ANK1: variants seen among roughly 807,000 people sequenced by gnomAD.
ANK1 encodes the protein ankyrin-1.
A neutral mutation model predicts 210.4 loss-of-function variants in ANK1; 51 were observed. The observed-to-expected ratio is 0.24, with a 90% confidence interval of 0.19 to 0.31. ANK1 has a LOEUF of 0.31. ANK1 is among the 10% of genes least tolerant of loss of function. The pLI is 1.00. For synonymous variants in ANK1, 967 were observed against 1,025.9 expected (o/e 0.94, Z 1.10); for missense variants, 2,051 against 2,504.4 (o/e 0.82, Z 3.86).
intron 1 of ANK1, chr8:41,829,006 C>T (rs995242785): frequency 6.6e-6 from 1 of 152,286 alleles, no homozygotes; most frequent in African/African-American, 2.4e-5. Flanking sequence ...ATTCCACCGC[C>T]GCAGTTGAAA....
At chr8:41,767,665 G>T (rs546679596) in intron 1 of ANK1, among the ~76,000 whole-genome samples, 1 of 152,140 alleles carries the variant, frequency 6.6e-6, no homozygotes, top group African/African-American at 2.4e-5. Context: ...GGGGGTGCGC[G>T]CGGGGGCGCG....
chr8:41,655,931 T>C (rs886175730), intron 42 of ANK1, among the ~76,000 whole-genome samples, 178 bp from the exon 43 acceptor site: 5 of 152,388 alleles, frequency 3.3e-5, no homozygotes, highest in African/African-American at 1.2e-4. Context: ...CTTCCTGAGA[T>C]GCCGCCCTCC....
chr8:41,794,143 G>A (rs1848284875), intron 1 of ANK1, among the ~76,000 whole-genome samples: 1 of 152,214 alleles, frequency 6.6e-6, no homozygotes, highest in Non-Finnish European at 1.5e-5. Flanking sequence ...GGTGCCATTT[G>A]CCTCATACAA....
intron 8 of ANK1, 96 bp downstream of exon 8, chr8:41,723,439 C>T (rs1829793597): frequency 7.0e-7 from 1 of 1,432,748 alleles, no homozygotes; most frequent in Non-Finnish European, 9.8e-7. Flanking sequence ...GGTGGTGCAT[C>T]CCTAACTAGG....
intron 7 of ANK1, 110 bp from the exon 8 acceptor site, chr8:41,723,743 G>C: frequency 1.2e-6 from 1 of 826,006 alleles, no homozygotes. Context: ...CTGCAACAGC[G>C]TTGTCAGGGC....
At chr8:41,722,016 G>GA (rs1829402930) in intron 9 of ANK1, among the ~76,000 whole-genome samples, 1 of 152,202 alleles carries the variant, frequency 6.6e-6, no homozygotes, top group Admixed American at 6.5e-5. Flanking sequence ...TAATTTAACT[G>GA]ATAGTAGCAA....
Position 41,717,642 on chromosome 8 carries a change from G to A in ANK1, c.1267C>T (p.Leu423Phe). Residue 423 changes from leucine (L) to phenylalanine (F), a missense_variant, in exon 12 of 43, where the codon CTC (leucine) becomes TTC (phenylalanine). Around this residue, in one of 6 missense-constraint regions of ANK1, gnomAD observed 1,413 missense variants for 1,707.4 expected, o/e 0.83. Transcript: ENST00000289734. ...TTGGGCGACGCCCCCCGCTGCAGGA[G>A]GTTCTTCACGATGGGAAGGTGCCCC... is the stretch of plus-strand genomic sequence containing the variant. ...FMGHLPIVKN[L>F]LQRGASPNVS... 6.4e-7 allele frequency: 1 copy of A among 1,551,700 alleles called. No homozygotes were observed. The highest frequency in any genetic ancestry group is 8.7e-7 in the Non-Finnish European group (1 of 1,147,006).
At chr8:41,763,873 CT>C (rs1427763122) in intron 1 of ANK1, among the ~76,000 whole-genome samples, 4 of 56,798 alleles carry the variant, frequency 7.0e-5, no homozygotes, top group Admixed American at 2.0e-4. Context: ...TTTCTTCTTT[CT>C]TTTTTTCTTT....
intron 32 of ANK1, 30 bp downstream of exon 32, chr8:41,690,444 G>A (rs1449316041): frequency 6.2e-7 from 1 of 1,614,220 alleles, no homozygotes; most frequent in East Asian, 2.2e-5. Flanking sequence ...TCTAGACCCA[G>A]AGGAGAACTC....
At chr8:41,835,830 A>G (rs775940190) in intron 1 of ANK1, among the ~76,000 whole-genome samples, 76 of 152,344 alleles carry the variant, frequency 5.0e-4, no homozygotes, top group Non-Finnish European at 1.0e-3. Context: ...GACATCTGTC[A>G]CCTGAGATGG....
At chr8:41,805,842 T>G (rs1850890055) in intron 1 of ANK1, among the ~76,000 whole-genome samples, 1 of 152,190 alleles carries the variant, frequency 6.6e-6, no homozygotes, top group Non-Finnish European at 1.5e-5. Context: ...GTGGAATAGG[T>G]TGTGTCAGTT....
chr8:41,696,527 G>A lies in ANK1; in HGVS notation c.2796C>T (p.Asn932=), dbSNP rs141257975. ...GTGGCGGGATCACCACTCGCAGGCC[G>A]TTGTGGCGACTTCCTCTCATGGAAC... ...RGGSMRGSRH[N]GLRVVIPPRT... is the part of the protein sequence containing the mutation. The change falls in exon 26 of 43, where the codon AAC becomes AAT. Residue 932 remains asparagine, a synonymous_variant. Transcript: ENST00000289734. 196 of 1,613,800 alleles carry A rather than the reference G, an allele frequency of 1.2e-4. No individual in the cohort carries two copies. The African/African-American group carries it at 2.0e-3, about 17-fold the overall frequency.
In ANK1 at chr8:41,723,775, ATTTTTTTTTATTT is replaced by A. The variant is rs1829931198; in HGVS notation, c.712-155_712-143del. The A allele has an allele frequency of 1.4e-4, 69 of 499,578 alleles. 1 individual carries two copies. Among genetic ancestry groups the A allele is most frequent in the Middle Eastern group, 5.3e-4 (1 of 1,888 alleles). 30.9% of individuals were successfully genotyped at this position (499,578 alleles called of 1,614,324 possible). ...GGGCATTTCTGGCCTAAGATATTTT[ATTTTTTTTTATTT>A]TTTATTTTTTTTTTTTTTTGAGACG... On this transcript the variant is annotated intron_variant, in intron 7 of 42. Coordinates refer to ENST00000289734, the MANE Select transcript of ANK1 (RefSeq NM_000037.4).
rs901635086 is a variant in ANK1, at chr8:41,694,455, C to G, written c.3327+137G>C. On this transcript the variant is annotated intron_variant, in intron 28 of 42. Transcript: ENST00000289734. This position sits in a 1 kb window ranked among gnomAD's most constrained non-coding sequence, Gnocchi z 5.7. Reference sequence around the variant, plus strand: ...CCTTCCCACTTAACTCTCCTTTGAGCTTTAAACTCAGATCTCCACTGTGGC... The same window carrying G: ...CCTTCCCACTTAACTCTCCTTTGAGGTTTAAACTCAGATCTCCACTGTGGC... 2 of 951,230 alleles carry G rather than the reference C, an allele frequency of 2.1e-6. No individual in the cohort carries two copies. The highest frequency in any genetic ancestry group is 4.3e-5 in the Admixed American group (2 of 46,622). 58.9% of individuals were successfully genotyped at this position (951,230 alleles called of 1,614,324 possible). A position where few individuals can be genotyped will look rare whatever the true frequency, so the allele number is the denominator to read the frequency against.
rs576574128 is a variant in ANK1, at chr8:41,660,437, C to T, written c.*36+993G>A. On this transcript the variant is annotated intron_variant, in intron 42 of 42. Transcript: ENST00000289734. ...CCTCACCTCCTGCTGACTCCCACCC[C>T]GAGGTATCCTGTACTGAGCTGCCCC... The T allele has an allele frequency of 2.1e-3, 989 of 469,912 alleles. 13 individuals are homozygous for T. The highest frequency in any genetic ancestry group is 7.3e-3 in the South Asian group (470 of 64,518). 29.1% of individuals were successfully genotyped at this position (469,912 alleles called of 1,614,324 possible).
chr8:41,835,238 A>C (rs1192049691), intron 1 of ANK1, among the ~76,000 whole-genome samples: 1 of 152,186 alleles, frequency 6.6e-6, no homozygotes, highest in Non-Finnish European at 1.5e-5. Flanking sequence ...GGATCACCTG[A>C]GGTCAGGAGT....
intron 32 of ANK1, 24 bp from the exon 33 acceptor site, chr8:41,690,370 A>G: frequency 6.2e-7 from 1 of 1,614,116 alleles, no homozygotes; most frequent in Non-Finnish European, 8.5e-7. Context: ...CACAAAGGAG[A>G]ATTCAGGGGC....
chr8:41,844,400 G>T (rs1809611770), intron 1 of ANK1, among the ~76,000 whole-genome samples: 1 of 152,156 alleles, frequency 6.6e-6, no homozygotes, highest in Non-Finnish European at 1.5e-5. Context: ...CTCGGCCCAG[G>T]ACAAACAAGT....
At chr8:41,681,891 G>C (rs1230361073) in intron 37 of ANK1, among the ~76,000 whole-genome samples, 1 of 152,234 alleles carries the variant, frequency 6.6e-6, no homozygotes, top group African/African-American at 2.4e-5. Flanking sequence ...GCATGAGTCT[G>C]CTGGGGCACA....
Sources: allele counts gnomAD v4.1 joint callset (sites outside exome capture counted in the v4.1 genomes callset), GRCh38; gene constraint gnomAD v4.1.1; regional missense constraint gnomAD v4.1.1; non-coding constraint Gnocchi (gnomAD v3.1); transcripts MANE v1.5; gene names NCBI Gene and HGNC (gene_info 2026-07-23, HGNC 2026-07-21).